Variants in SHROOM3 observed in about 807,000 individuals in gnomAD.
SHROOM3 encodes the protein protein Shroom3.
Under a neutral mutation model 138.6 loss-of-function variants are expected in SHROOM3, and 47 were observed. The observed-to-expected ratio is 0.34, with a 90% CI of 0.27 to 0.43. The LOEUF (loss-of-function observed/expected upper bound fraction) is 0.43. Ranked by LOEUF, SHROOM3 falls within the 20% of genes least tolerant of loss-of-function variation. The pLI, the probability that SHROOM3 is intolerant of heterozygous loss-of-function variation, is 1.00. For synonymous variants in SHROOM3, 1,062 were observed against 1,063.3 expected (o/e 1.00, Z 0.02); for missense variants, 2,491 against 2,596.5 (o/e 0.96, Z 0.88).
At chr4:76,470,036 G>A (rs1731336348) in intron 1 of SHROOM3, among the ~76,000 whole-genome samples, 1 of 151,334 alleles carries the variant, frequency 6.6e-6, no homozygotes, top group Non-Finnish European at 1.5e-5. Flanking sequence ...AAAAATTATA[G>A]CTAACTCTTA....
At chr4:76,471,090 C>T (rs564938232) in intron 1 of SHROOM3, among the ~76,000 whole-genome samples, 1 of 152,198 alleles carries the variant, frequency 6.6e-6, no homozygotes, top group South Asian at 2.1e-4. Flanking sequence ...TATAAAACCT[C>T]ACTTATTTTC....
chr4:76,660,292 G>A (rs1288695712), intron 2 of SHROOM3, among the ~76,000 whole-genome samples: 1 of 152,084 alleles, frequency 6.6e-6, no homozygotes, highest in Non-Finnish European at 1.5e-5. Flanking sequence ...CCTCTCTAGA[G>A]GTCTCACTGC....
intron 2 of SHROOM3, among the ~76,000 whole-genome samples, chr4:76,647,211 G>A (rs1300693086): frequency 6.6e-6 from 1 of 152,160 alleles, no homozygotes; most frequent in Non-Finnish European, 1.5e-5. Flanking sequence ...GGCTAAAAAA[G>A]TTGATCCCAG....
intron 1 of SHROOM3, among the ~76,000 whole-genome samples, chr4:76,542,804 A>G (rs887066040): frequency 3.3e-5 from 5 of 152,240 alleles, no homozygotes; most frequent in Non-Finnish European, 7.3e-5. Context: ...TACAGCAACC[A>G]GAGGAAACTA....
At chr4:76,515,339 T>C (rs1159096463) in intron 1 of SHROOM3, among the ~76,000 whole-genome samples, 2 of 150,914 alleles carry the variant, frequency 1.3e-5, no homozygotes, top group Non-Finnish European at 1.5e-5. Flanking sequence ...TGAGCCAAGA[T>C]GGTGCCACTG....
chr4:76,766,890 A>G (rs1196604604), intron 9 of SHROOM3, among the ~76,000 whole-genome samples: 2 of 152,248 alleles, frequency 1.3e-5, no homozygotes, highest in African/African-American at 4.8e-5. Flanking sequence ...GCCATGAGAT[A>G]TCACATTAGA....
intron 2 of SHROOM3, among the ~76,000 whole-genome samples, chr4:76,602,332 A>T (rs1734523315): frequency 6.6e-6 from 1 of 152,212 alleles, no homozygotes; most frequent in South Asian, 2.1e-4. Context: ...GAAATGTTGG[A>T]CAAAGGATTT....
chr4:76,463,647 G>A (rs1379570156), intron 1 of SHROOM3, among the ~76,000 whole-genome samples: 4 of 152,338 alleles, frequency 2.6e-5, no homozygotes, highest in Non-Finnish European at 5.9e-5. Context: ...TAGAGTCCTA[G>A]AAGGAGAAAA....
chr4:76,693,267 T>A (rs1719609196), intron 2 of SHROOM3, among the ~76,000 whole-genome samples: 1 of 152,146 alleles, frequency 6.6e-6, no homozygotes, highest in African/African-American at 2.4e-5. Context: ...TGAAAAAGTA[T>A]TTACACTTTT....
At chr4:76,570,079 G>C (rs1733804823) in intron 2 of SHROOM3, among the ~76,000 whole-genome samples, 1 of 151,990 alleles carries the variant, frequency 6.6e-6, no homozygotes, top group Admixed American at 6.6e-5. Flanking sequence ...TTCAAATAAA[G>C]TTTGGGGATG....
At chr4:76,652,555 C>T (rs1317065028) in intron 2 of SHROOM3, among the ~76,000 whole-genome samples, 1 of 152,210 alleles carries the variant, frequency 6.6e-6, no homozygotes, top group African/African-American at 2.4e-5. Flanking sequence ...TGAGAAGTAG[C>T]TCAGCCTGTG....
chr4:76,537,771 C>A (rs1394348667), intron 1 of SHROOM3, among the ~76,000 whole-genome samples: 1 of 152,068 alleles, frequency 6.6e-6, no homozygotes, highest in African/African-American at 2.4e-5. Flanking sequence ...ATGGGTGGAG[C>A]CTTCTATTCT....
chr4:76,465,098 C>T (rs1230797114), intron 1 of SHROOM3, among the ~76,000 whole-genome samples: 1 of 152,182 alleles, frequency 6.6e-6, no homozygotes, highest in African/African-American at 2.4e-5. Flanking sequence ...TAATTTCTCT[C>T]AATAAAAAGG....
At chr4:76,436,857 T>G (rs1164547010) in intron 1 of SHROOM3, among the ~76,000 whole-genome samples, 1 of 152,254 alleles carries the variant, frequency 6.6e-6, no homozygotes, top group African/African-American at 2.4e-5. Flanking sequence ...GAAATATTTA[T>G]GTACTGGGGT....
At chr4:76,446,359 G>C (rs377752809) in intron 1 of SHROOM3, among the ~76,000 whole-genome samples, 1 of 150,984 alleles carries the variant, frequency 6.6e-6, no homozygotes, top group African/African-American at 2.4e-5. Context: ...TGCATGAACT[G>C]TGTGCAACAG....
intron 5 of SHROOM3, among the ~76,000 whole-genome samples, chr4:76,746,852 A>G (rs1578014566): frequency 6.6e-6 from 1 of 150,504 alleles, no homozygotes; most frequent in South Asian, 2.1e-4. Context: ...AGTCTCGCTC[A>G]GTCACCCAGG....
At position 76,616,602 on chromosome 4, in the gene SHROOM3, G is replaced by C. The variant is rs145195207; in HGVS notation, c.323+60839G>C. Among the ~76,000 whole-genome samples the C allele has an allele frequency of 3.2e-4, 48 of 152,252 alleles. No homozygotes were observed. In the East Asian group the frequency reaches 6.2e-3, roughly 20 times the overall value. On this transcript the variant is annotated intron_variant, in intron 2 of 10. Coordinates refer to ENST00000296043, the MANE Select transcript of SHROOM3 (RefSeq NM_020859.4). Reference sequence around the variant, plus strand: ...AAAAAGACAAATACTATCTGATTCCGATTATCTGAGGTACCTAGAGTAGTC... The same window carrying C: ...AAAAAGACAAATACTATCTGATTCCCATTATCTGAGGTACCTAGAGTAGTC...
At chr4:76,542,280 A>G (rs1355698570) in intron 1 of SHROOM3, among the ~76,000 whole-genome samples, 1 of 152,234 alleles carries the variant, frequency 6.6e-6, no homozygotes, top group Non-Finnish European at 1.5e-5. Flanking sequence ...ACTGAGGCTT[A>G]GAGGAAAGAA....
At chr4:76,734,837 T>C (rs1431795139) in intron 4 of SHROOM3, among the ~76,000 whole-genome samples, 1 of 118,018 alleles carries the variant, frequency 8.5e-6, no homozygotes, top group East Asian at 4.0e-4. Context: ...GGATATGATA[T>C]AATGTCAAGT....
Sources: allele counts gnomAD v4.1 joint callset (sites outside exome capture counted in the v4.1 genomes callset), GRCh38; gene constraint gnomAD v4.1.1; transcripts MANE v1.5; gene names NCBI Gene and HGNC (gene_info 2026-07-23, HGNC 2026-07-21).